The following RAD51B variants were observed in gnomAD, a reference collection of about 807,000 sequenced individuals.
RAD51B encodes DNA repair protein RAD51 homolog 2.
Under a neutral mutation model 42.2 loss-of-function variants are expected in RAD51B, and 38 were observed. The observed-to-expected ratio is 0.90, with a 90% CI of 0.70 to 1.18. The LOEUF is 1.18. Ranked by LOEUF, RAD51B falls within the 50% of genes most tolerant of loss-of-function variation. The pLI is 0.00. For synonymous variants in RAD51B, 154 were observed against 145.2 expected (o/e 1.06, Z -0.43); for missense variants, 373 against 400.7 (o/e 0.93, Z 0.59).
At chr14:68,649,431 C>A (rs10136323) in intron 10 of RAD51B, among the ~76,000 whole-genome samples, 1 of 151,984 alleles carries the variant, frequency 6.6e-6, no homozygotes, top group Non-Finnish European at 1.5e-5. Flanking sequence ...CCACTTTGTA[C>A]TCTCTGTTTC....
At chr14:68,255,520 C>G (rs1307246402) in intron 7 of RAD51B, among the ~76,000 whole-genome samples, 2 of 152,136 alleles carry the variant, frequency 1.3e-5, no homozygotes, top group African/African-American at 4.8e-5. Flanking sequence ...CAAGGAGGGA[C>G]TTGTTTTGAG....
intron 7 of RAD51B, among the ~76,000 whole-genome samples, chr14:67,896,229 A>G (rs994119182): frequency 4.6e-5 from 7 of 152,218 alleles, no homozygotes; most frequent in Admixed American, 1.3e-4. Context: ...GTCTAATTAG[A>G]TGCCTACTTC....
At chr14:68,611,090 C>T in exon 11 of RAD51B, 1 of 703,182 alleles carries the variant, frequency 1.4e-6, no homozygotes, top group Non-Finnish European at 2.6e-6. Context: ...TTCCTGATAC[C>T]TGATGTGGTG....
chr14:68,442,207 G>T (rs2085314978), intron 9 of RAD51B, among the ~76,000 whole-genome samples: 1 of 152,154 alleles, frequency 6.6e-6, no homozygotes, highest in Admixed American at 6.5e-5. Context: ...CCAGTCTGCA[G>T]GGTCTTAGCC....
At chr14:68,197,971 G>C (rs2079406483) in intron 7 of RAD51B, among the ~76,000 whole-genome samples, 1 of 152,100 alleles carries the variant, frequency 6.6e-6, no homozygotes, top group Non-Finnish European at 1.5e-5. Flanking sequence ...TATTGAGCAA[G>C]TTTTAATTAA....
At chr14:68,120,711 C>T (rs1206338210) in intron 7 of RAD51B, among the ~76,000 whole-genome samples, 2 of 151,984 alleles carry the variant, frequency 1.3e-5, no homozygotes, top group Non-Finnish European at 2.9e-5. Context: ...AGTAAGGGTC[C>T]TCATTTAATC....
At chr14:68,446,247 ATT>A (rs1301219577) in intron 9 of RAD51B, among the ~76,000 whole-genome samples, 1 of 152,178 alleles carries the variant, frequency 6.6e-6, no homozygotes, top group Non-Finnish European at 1.5e-5. Context: ...GGCTATGGAG[ATT>A]ATGAAGTGCT....
chr14:68,680,926 TG>T (rs34103002), intron 11 of RAD51B, among the ~76,000 whole-genome samples: 2 of 151,978 alleles, frequency 1.3e-5, no homozygotes, highest in South Asian at 4.2e-4. Context: ...TTTGGGAGTT[TG>T]GGGTGTTTTT....
chr14:68,386,487 T>G (rs902068530), intron 8 of RAD51B, among the ~76,000 whole-genome samples: 3 of 152,262 alleles, frequency 2.0e-5, no homozygotes, highest in African/African-American at 7.2e-5. Context: ...CCTCTCTGGA[T>G]AGCAGGAGTT....
chr14:68,482,319 G>C (rs1337197425), downstream of RAD51B, among the ~76,000 whole-genome samples: 1 of 152,068 alleles, frequency 6.6e-6, no homozygotes, highest in Non-Finnish European at 1.5e-5. Context: ...TCAGCCTACA[G>C]GGTGAACATT....
intron 7 of RAD51B, among the ~76,000 whole-genome samples, chr14:67,947,186 T>A (rs2045424977): frequency 6.6e-6 from 1 of 152,170 alleles, no homozygotes; most frequent in Non-Finnish European, 1.5e-5. Context: ...ATATTTTATA[T>A]CCCCATGACT....
At chr14:68,121,676 A>C (rs189759362) in intron 7 of RAD51B, among the ~76,000 whole-genome samples, 1 of 152,200 alleles carries the variant, frequency 6.6e-6, no homozygotes, top group Admixed American at 6.5e-5. Flanking sequence ...AATAAAAAAA[A>C]CTAGAAAGGA....
At chr14:68,297,244 T>C (rs548865794) in intron 8 of RAD51B, among the ~76,000 whole-genome samples, 9 of 152,316 alleles carry the variant, frequency 5.9e-5, no homozygotes, top group African/African-American at 1.9e-4. Flanking sequence ...TCAAGTCTTA[T>C]TTCCACTCTT....
chr14:68,618,678 G>T (rs1276076697), intron 10 of RAD51B, among the ~76,000 whole-genome samples: 1 of 152,178 alleles, frequency 6.6e-6, no homozygotes, highest in African/African-American at 2.4e-5. Flanking sequence ...CTACTGCCCA[G>T]TAATTGTAAG....
At chr14:68,678,306 G>A (rs762071334) in intron 11 of RAD51B, among the ~76,000 whole-genome samples, 20 of 152,120 alleles carry the variant, frequency 1.3e-4, no homozygotes, top group Admixed American at 6.5e-5. Flanking sequence ...GTTTACCCTT[G>A]TGTGCCCTGA....
chr14:68,040,626 A>G (rs994049620), intron 7 of RAD51B, among the ~76,000 whole-genome samples: 6 of 152,200 alleles, frequency 3.9e-5, no homozygotes, highest in Non-Finnish European at 8.8e-5. Flanking sequence ...CCTCACATCA[A>G]TGTGATAAGC....
chr14:68,198,663 T>G (rs930575984), intron 7 of RAD51B, among the ~76,000 whole-genome samples: 3 of 152,214 alleles, frequency 2.0e-5, no homozygotes, highest in African/African-American at 7.2e-5. Flanking sequence ...GTATTTTGAA[T>G]GACTATGAAT....
chr14:68,564,037 T>A, intron 10 of RAD51B: 1 of 707,670 alleles, frequency 1.4e-6, no homozygotes, highest in Non-Finnish European at 1.7e-6. Flanking sequence ...CTGGCCGCAC[T>A]AGAGGGCCTG....
chr14:68,535,749 G>A (rs959600486), intron 10 of RAD51B, among the ~76,000 whole-genome samples: 1 of 152,226 alleles, frequency 6.6e-6, no homozygotes, highest in Non-Finnish European at 1.5e-5. Context: ...TGTGTAACTG[G>A]ATGGAGGAAG....
Sources: gnomAD v4.1 joint callset for allele counts (sites outside exome capture counted in the v4.1 genomes callset) on GRCh38, gnomAD v4.1.1 for gene constraint, MANE v1.5 for transcripts, NCBI Gene and HGNC (gene_info 2026-07-23, HGNC 2026-07-21) for gene names.